The following SLC9A9 variants were observed in gnomAD, a reference collection of about 807,000 sequenced individuals.
SLC9A9 encodes the protein solute carrier family 9 member A9, also known as sodium/hydrogen exchanger 9.
In SLC9A9, 62 loss-of-function variants were observed where a neutral mutation model predicts 77.8. The observed-to-expected ratio is 0.80, with a 90% CI of 0.65 to 0.98. The LOEUF is 0.98. Among genes scored for constraint, SLC9A9 ranks in the 50% least tolerant of loss-of-function variants. SLC9A9 has a pLI of 0.00. For missense variants in SLC9A9, 775 were observed against 774.9 expected, an observed-to-expected ratio of 1.00 and a Z score of 0.00; for synonymous variants, 320 against 283.5, an observed-to-expected ratio of 1.13 and a Z score of -1.29.
Position 143,841,444 on chromosome 3 carries a change from T to G in SLC9A9, c.175+6704A>C, listed in dbSNP as rs376493485. On this transcript the variant is annotated intron_variant, in intron 1 of 15. Coordinates refer to ENST00000316549, the MANE Select transcript of SLC9A9 (RefSeq NM_173653.4). ...GTTTATATCAGGAATGCTATTTGTG[T>G]TAGCTATTTTTATTTTTGTATATCA... Among the ~76,000 whole-genome samples the G allele has an allele frequency of 7.2e-5, 11 of 152,350 alleles. No individual in the cohort carries two copies. The East Asian group carries it at 9.6e-4, about 13-fold the overall frequency.
chr3:143,701,616 G>A (rs1560039251), intron 4 of SLC9A9, among the ~76,000 whole-genome samples: 1 of 151,968 alleles, frequency 6.6e-6, no homozygotes, highest in Non-Finnish European at 1.5e-5. Context: ...ACAGTCAGAG[G>A]AGGCAAAAGA....
At chr3:143,409,881 G>A (rs992311057) in intron 12 of SLC9A9, among the ~76,000 whole-genome samples, 4 of 152,058 alleles carry the variant, frequency 2.6e-5, no homozygotes, top group Non-Finnish European at 4.4e-5. Context: ...TGGGCTGCAG[G>A]AACAGCAGGA....
intron 12 of SLC9A9, among the ~76,000 whole-genome samples, chr3:143,412,218 C>T (rs907669988): frequency 5.3e-5 from 8 of 152,112 alleles, no homozygotes; most frequent in African/African-American, 1.7e-4. Context: ...GCAATGGAAC[C>T]AGAAGTCCTG....
At chr3:143,814,628 A>G (rs1308607833) in intron 2 of SLC9A9, among the ~76,000 whole-genome samples, 1 of 152,198 alleles carries the variant, frequency 6.6e-6, no homozygotes, top group Non-Finnish European at 1.5e-5. Context: ...ATTTCGTAAT[A>G]TTGCATTTGA....
rs549899698 is a variant in SLC9A9, at chr3:143,350,854, G to A, written c.1604+12630C>T. 5.5e-4 allele frequency among the ~76,000 whole-genome samples: 83 copies of A among 152,196 alleles called. 1 individual carries two copies. In the South Asian group the frequency reaches 0.016, roughly 29 times the overall value. On this transcript the variant is annotated intron_variant, in intron 14 of 15. Coordinates refer to ENST00000316549, the MANE Select transcript of SLC9A9 (RefSeq NM_173653.4). ...TGTTGCTTCTCTCTCCCCGTAATCT[G>A]GCCTTTACTCCAGCTCCCTCCAGTT...
At chr3:143,382,032 A>G (rs762133936) in intron 13 of SLC9A9, 28 bp downstream of exon 13, 1 of 1,613,288 alleles carries the variant, frequency 6.2e-7, no homozygotes. Context: ...ATATCTCTAT[A>G]TAATGTGCAT....
intron 14 of SLC9A9, among the ~76,000 whole-genome samples, chr3:143,305,564 C>G (rs1195426048): frequency 1.3e-5 from 2 of 152,146 alleles, no homozygotes; most frequent in East Asian, 3.9e-4. Flanking sequence ...GTTTCAACGT[C>G]TTTATACAGG....
intron 14 of SLC9A9, among the ~76,000 whole-genome samples, chr3:143,358,877 C>G (rs1474608005): frequency 6.6e-6 from 1 of 152,196 alleles, no homozygotes; most frequent in African/African-American, 2.4e-5. Flanking sequence ...AGAATGGCTT[C>G]TAAGCCAGAG....
chr3:143,656,786 C>T (rs1013772664), intron 5 of SLC9A9, among the ~76,000 whole-genome samples: 1 of 152,154 alleles, frequency 6.6e-6, no homozygotes, highest in Non-Finnish European at 1.5e-5. Context: ...TGACACTTGT[C>T]CATGACACAC....
At chr3:143,557,840 C>T (rs1576575831) in intron 8 of SLC9A9, among the ~76,000 whole-genome samples, 1 of 152,160 alleles carries the variant, frequency 6.6e-6, no homozygotes, top group African/African-American at 2.4e-5. Flanking sequence ...AAATTTGCAG[C>T]CTGACAATGC....
intron 8 of SLC9A9, among the ~76,000 whole-genome samples, chr3:143,556,124 A>T (rs1525860): frequency 0.24 from 36,228 of 152,202 alleles, 4,497 homozygotes; most frequent in Non-Finnish European, 0.28. Context: ...CTACCTTATG[A>T]AAGAACATTT....
intron 12 of SLC9A9, among the ~76,000 whole-genome samples, chr3:143,396,490 G>C (rs1372115548): frequency 2.6e-5 from 4 of 152,140 alleles, no homozygotes; most frequent in African/African-American, 4.8e-5. Flanking sequence ...TATACCTAAT[G>C]TAAATGATGA....
chr3:143,844,722 TTTCTTTC>T (rs1407928987), intron 1 of SLC9A9, among the ~76,000 whole-genome samples: 3 of 31,282 alleles, frequency 9.6e-5, no homozygotes, highest in Non-Finnish European at 1.9e-4. Context: ...TCTTTCTTTC[TTTCTTTC>T]TTTCTTTCTT....
chr3:143,757,590 G>C (rs963049468), intron 4 of SLC9A9, among the ~76,000 whole-genome samples: 4 of 152,040 alleles, frequency 2.6e-5, no homozygotes, highest in Non-Finnish European at 4.4e-5. Flanking sequence ...ACTCTCCCAG[G>C]TACCAAAAAC....
intron 4 of SLC9A9, among the ~76,000 whole-genome samples, chr3:143,712,553 T>C (rs1275075099): frequency 6.6e-6 from 1 of 152,188 alleles, no homozygotes; most frequent in Non-Finnish European, 1.5e-5. Context: ...TCTTTGACCC[T>C]AGGCAAGTTA....
In SLC9A9 at chr3:143,343,312, C is replaced by T. The variant is rs950894403; in HGVS notation, c.1604+20172G>A. On this transcript the variant is annotated intron_variant, in intron 14 of 15. Transcript: ENST00000316549. ...TTTGATTTTTTTGTAGTGGCAAGAA[C>T]AGGAGGGCATTCTTTTAAACATCTT... The T allele has an allele frequency of 4.6e-5, 7 of 151,992 alleles. No individual in the cohort carries two copies. In the South Asian group the frequency reaches 1.5e-3, roughly 32 times the overall value. 9.4% of individuals were successfully genotyped at this position (151,992 alleles called of 1,614,324 possible).
intron 4 of SLC9A9, among the ~76,000 whole-genome samples, chr3:143,747,281 G>A (rs915324340): frequency 6.6e-6 from 1 of 152,022 alleles, no homozygotes; most frequent in African/African-American, 2.4e-5. Context: ...GCAGGTGCCT[G>A]TAATCCCAGC....
intron 11 of SLC9A9, among the ~76,000 whole-genome samples, chr3:143,482,887 C>G (rs545762687): frequency 6.6e-6 from 1 of 152,058 alleles, no homozygotes; most frequent in Non-Finnish European, 1.5e-5. Context: ...GTTGTTCACT[C>G]GTGGCATTAA....
intron 6 of SLC9A9, among the ~76,000 whole-genome samples, chr3:143,589,693 A>T (rs551712123): frequency 6.6e-6 from 1 of 152,346 alleles, no homozygotes; most frequent in South Asian, 2.1e-4. Flanking sequence ...TAAGACATGC[A>T]TGACTGTATT....
Sources: gnomAD v4.1 joint callset for allele counts (sites outside exome capture counted in the v4.1 genomes callset) on GRCh38, gnomAD v4.1.1 for gene constraint, MANE v1.5 for transcripts, NCBI Gene and HGNC (gene_info 2026-07-23, HGNC 2026-07-21) for gene names.